Variants in CACNG7 observed in about 807,000 individuals in gnomAD.
CACNG7 encodes the protein calcium voltage-gated channel auxiliary subunit gamma 7.
A neutral mutation model predicts 26.3 loss-of-function variants in CACNG7; 9 were observed. The ratio of observed to expected loss-of-function variants is 0.34; its 90% CI spans 0.21 to 0.60. CACNG7 has a LOEUF of 0.60. CACNG7 is among the 20% of genes least tolerant of loss of function. The probability of loss-of-function intolerance (pLI) is 0.81; values close to 1 mark genes in which losing one functional copy is unlikely to be tolerated. For missense variants in CACNG7, 297 were observed against 380.4 expected, an observed-to-expected ratio of 0.78 and a Z score of 1.82; for synonymous variants, 170 against 157.0, an observed-to-expected ratio of 1.08 and a Z score of -0.62.
intron 4 of CACNG7, among the ~76,000 whole-genome samples, chr19:53,923,518 G>A: frequency 8.0e-6 from 1 of 125,782 alleles, no homozygotes; most frequent in African/African-American, 3.0e-5. Context: ...CATTGGTGGA[G>A]TTGCCCCAGG....
chr19:53,941,346 C>T, intron 4 of CACNG7, 124 bp from the exon 5 acceptor site: 1 of 1,124,806 alleles, frequency 8.9e-7, no homozygotes, highest in South Asian at 1.9e-5. Flanking sequence ...GCCCAGCATA[C>T]AAGGGGCTTC....
intron 4 of CACNG7, among the ~76,000 whole-genome samples, chr19:53,921,359 G>T (rs113019581): frequency 2.8e-5 from 4 of 145,194 alleles, no homozygotes; most frequent in African/African-American, 1.1e-4. Flanking sequence ...GTCATTGGTG[G>T]AGTCGTCCCC....
intron 4 of CACNG7, among the ~76,000 whole-genome samples, chr19:53,922,984 TCCCAGGACTGGTCATTGGTGCAGTTGC>T (rs2068976388): frequency 1.1e-5 from 1 of 88,756 alleles, no homozygotes; most frequent in East Asian, 2.9e-4. Context: ...GGTGGAGTTG[TCCCAGGACTGGTCATTGGTGCAGTTGC>T]CCCAGGCCTG....
Position 53,941,597 on chromosome 19 carries a change from C to T in CACNG7, c.552C>T (p.Ser184=), listed in dbSNP as rs2069137770. 6.2e-7 allele frequency: 1 copy of T among 1,612,062 alleles called. No homozygotes were observed. Among genetic ancestry groups the T allele is most frequent in the South Asian group, 1.1e-5 (1 of 90,718 alleles). The stretch of plus-strand genomic sequence containing the variant: ...GGTGGTCTTTTGCCTTCGCCGCTTC[C>T]TCCTTCCTACTCAAAGAGGTGACGT... The part of the protein sequence containing the change: ...RYGWSFAFAA[S]SFLLKEGAGV... Residue 184 remains serine (S), a synonymous_variant, in exon 5 of 6, where the codon TCC becomes TCT. Coordinates refer to ENST00000391767, the MANE Select transcript of CACNG7 (RefSeq NM_031896.5).
At chr19:53,913,369 C>T (rs1164179144) in intron 2 of CACNG7, among the ~76,000 whole-genome samples, 2 of 151,644 alleles carry the variant, frequency 1.3e-5, no homozygotes, top group Admixed American at 1.3e-4. Flanking sequence ...TGCCTGTAAT[C>T]CCAGCACTTT....
rs750195798 is a variant in CACNG7 at position 53,942,212 on chromosome 19, C to T, written c.747C>T (p.Asp249=). 6.2e-7 allele frequency: 1 copy of T among 1,614,046 alleles called. No homozygotes were observed. The highest frequency in any genetic ancestry group is 8.5e-7 in the Non-Finnish European group (1 of 1,179,966). The change falls in exon 6 of 6, where the codon GAC becomes GAT. Residue 249 remains aspartate, a synonymous_variant. Coordinates refer to ENST00000391767, the MANE Select transcript of CACNG7 (RefSeq NM_031896.5). This position sits in a 1 kb window ranked among gnomAD's most constrained non-coding sequence, Gnocchi z 5.9. ...RGRSPSDISS[D]VSIQMTQNYP... The stretch of plus-strand genomic sequence containing the variant: ...GGAGCCCCTCCGACATCTCCAGCGA[C>T]GTGTCCATCCAAATGACGCAGAACT...
At chr19:53,921,667 GGTCTGGTC>G in intron 4 of CACNG7, among the ~76,000 whole-genome samples, 1 of 113,830 alleles carries the variant, frequency 8.8e-6, no homozygotes, top group African/African-American at 4.8e-5. Flanking sequence ...ACTTGCCCCA[GGTCTGGTC>G]ATTGGTGGAC....
rs2068848518 is a variant in CACNG7, at chr19:53,909,435, C to CG, written c.-110dup. 1.3e-5 allele frequency: 2 copies of CG among 148,830 alleles called. No individual in the cohort carries two copies. Among genetic ancestry groups the CG allele is most frequent in the South Asian group, 3.6e-4 (2 of 5,540 alleles). The allele number at this position is 148,830 out of a possible 1,614,324, so 9.2% of individuals were successfully genotyped here. A position where few individuals can be genotyped will look rare whatever the true frequency, so the allele number is the denominator to read the frequency against. On this transcript the variant is annotated 5_prime_UTR_variant, in exon 1 of 6. Coordinates refer to ENST00000391767, the MANE Select transcript of CACNG7 (RefSeq NM_031896.5). The surrounding 1 kb of genome is among the most constrained non-coding windows in gnomAD (Gnocchi z 5.1). ...CGGGCACCGGCGACCCCGGTGGCGG[C>CG]GGCGGCGGCCGGGGGAAGCCTCGGG...
chr19:53,938,565 A>T (rs188251046), intron 4 of CACNG7, among the ~76,000 whole-genome samples: 28 of 152,344 alleles, frequency 1.8e-4, no homozygotes, highest in Non-Finnish European at 4.4e-5. Flanking sequence ...GCAAAAAACC[A>T]GTCACAGGCA....
At chr19:53,926,882 T>C (rs981807589) in intron 4 of CACNG7, among the ~76,000 whole-genome samples, 1 of 152,194 alleles carries the variant, frequency 6.6e-6, no homozygotes, top group Admixed American at 6.5e-5. Context: ...CACTGCACTC[T>C]AGCTTGGTCG....
intron 4 of CACNG7, among the ~76,000 whole-genome samples, chr19:53,922,647 G>C (rs2068971395): frequency 1.3e-5 from 1 of 75,112 alleles, no homozygotes; most frequent in Admixed American, 1.1e-4. Flanking sequence ...CCCAGGCCTG[G>C]TCATTGGTGC....
intron 4 of CACNG7, among the ~76,000 whole-genome samples, chr19:53,916,255 C>A (rs1011189400): frequency 1.3e-5 from 2 of 152,090 alleles, no homozygotes; most frequent in African/African-American, 4.8e-5. Flanking sequence ...TTTTGAGGCA[C>A]AAGCCTCTTT....
At chr19:53,938,708 GAGATGAGGTGTGC>G (rs2069120063) in intron 4 of CACNG7, among the ~76,000 whole-genome samples, 1 of 152,078 alleles carries the variant, frequency 6.6e-6, no homozygotes, top group Non-Finnish European at 1.5e-5. Context: ...AGCACTCTGG[GAGATGAGGTGTGC>G]AGATCACTTG....
intron 4 of CACNG7, among the ~76,000 whole-genome samples, chr19:53,924,865 T>C (rs1363320981): frequency 1.4e-5 from 2 of 145,802 alleles, no homozygotes; most frequent in Non-Finnish European, 3.0e-5. Flanking sequence ...TTGGTGGACT[T>C]GCCCCAGGCT....
intron 4 of CACNG7, among the ~76,000 whole-genome samples, chr19:53,927,803 A>C (rs985704572): frequency 6.7e-6 from 1 of 149,360 alleles, no homozygotes; most frequent in South Asian, 2.1e-4. Flanking sequence ...GCACCATTGC[A>C]CTCCAGCTTG....
At chr19:53,917,574 G>T (rs750639890) in intron 4 of CACNG7, among the ~76,000 whole-genome samples, 4 of 152,176 alleles carry the variant, frequency 2.6e-5, no homozygotes, top group Non-Finnish European at 5.9e-5. Flanking sequence ...AAAGCAGGGT[G>T]CAACCTCCGT....
rs2069122914 is a variant in CACNG7, at chr19:53,939,143, A to G, written c.425-2327A>G. Among the ~76,000 whole-genome samples the G allele has an allele frequency of 6.6e-6, 1 of 152,156 alleles. No individual in the cohort carries two copies. The highest frequency in any genetic ancestry group is 1.5e-5 in the Non-Finnish European group (1 of 68,030). Reference sequence around the variant, plus strand: ...ATGGTGGCGGGTGCCTGTTAATTCCAGCTACGCAGGAGGCTGAGGCAGGAG... The same window carrying G: ...ATGGTGGCGGGTGCCTGTTAATTCCGGCTACGCAGGAGGCTGAGGCAGGAG... On this transcript the variant is annotated intron_variant, in intron 4 of 5. Coordinates refer to ENST00000391767, the MANE Select transcript of CACNG7 (RefSeq NM_031896.5). This position sits in a 1 kb window ranked among gnomAD's most constrained non-coding sequence, Gnocchi z 4.2.
intron 4 of CACNG7, among the ~76,000 whole-genome samples, chr19:53,920,959 G>T (rs1242272800): frequency 2.7e-5 from 3 of 110,390 alleles, no homozygotes; most frequent in East Asian, 5.1e-4. Context: ...GGTCATTGGT[G>T]GACTTGCCCC....
rs1305994212 is a variant in CACNG7, at chr19:53,912,662, G to A, written c.-29-141G>A. The A allele has an allele frequency of 6.2e-6, 4 of 643,384 alleles. No individual in the cohort carries two copies. The highest frequency in any genetic ancestry group is 3.6e-5 in the African/African-American group (2 of 54,858). 39.9% of individuals were successfully genotyped at this position (643,384 alleles called of 1,614,324 possible). On this transcript the variant is annotated intron_variant, in intron 1 of 5. Transcript: ENST00000391767. The surrounding 1 kb of genome is among the most constrained non-coding windows in gnomAD (Gnocchi z 4.6). ...TCAGACTCTAGGGTTGGGGTCATGGGTCAGGCCACGGAGGTCAGATCTGAG... is the reference window on the plus strand; with the variant it reads ...TCAGACTCTAGGGTTGGGGTCATGGATCAGGCCACGGAGGTCAGATCTGAG...
Sources: gnomAD v4.1 joint callset for allele counts (sites outside exome capture counted in the v4.1 genomes callset) on GRCh38, gnomAD v4.1.1 for gene constraint, Gnocchi (gnomAD v3.1) non-coding constraint, MANE v1.5 for transcripts, NCBI Gene and HGNC (gene_info 2026-07-23, HGNC 2026-07-21) for gene names.